ZFHX3: variants seen among roughly 807,000 people sequenced by gnomAD.
ZFHX3 encodes zinc finger homeobox 3, also known as zinc finger homeobox protein 3.
Under a neutral mutation model 279.1 loss-of-function variants are expected in ZFHX3, and 42 were observed. The observed-to-expected ratio is 0.15, with a 90% CI of 0.12 to 0.19. The LOEUF (loss-of-function observed/expected upper bound fraction) is 0.19, where lower values mean the gene tolerates loss of function less well. Among genes scored for constraint, ZFHX3 ranks in the 10% least tolerant of loss-of-function variants. The pLI, the probability that ZFHX3 is intolerant of heterozygous loss-of-function variation, is 1.00. For synonymous variants in ZFHX3, 2,293 were observed against 1,957.8 expected, an observed-to-expected ratio of 1.17 and a Z score of -4.52; for missense variants, 4,981 against 4,754.0, an observed-to-expected ratio of 1.05 and a Z score of -1.40.
chr16:73,573,922 C>A (rs34460084), intron 2 of ZFHX3, among the ~76,000 whole-genome samples: 12 of 152,250 alleles, frequency 7.9e-5, no homozygotes, highest in African/African-American at 2.9e-4. Context: ...GCTGGTCCAC[C>A]CATACCTACC....
At chr16:73,682,846 AAGAAAG>A (rs2053025837) in intron 1 of ZFHX3, among the ~76,000 whole-genome samples, 1 of 113,778 alleles carries the variant, frequency 8.8e-6, no homozygotes, top group Non-Finnish European at 1.8e-5. Context: ...GAGAGAAAAA[AAGAAAG>A]AGAAAGAAAG....
chr16:73,852,436 T>C (rs1204590898), intron 1 of ZFHX3, among the ~76,000 whole-genome samples: 4 of 152,184 alleles, frequency 2.6e-5, no homozygotes, highest in African/African-American at 9.7e-5. Flanking sequence ...TATATTACAG[T>C]TGGGTTATTT....
chr16:72,851,285 C>T (rs1013384924), intron 4 of ZFHX3, among the ~76,000 whole-genome samples: 1 of 152,096 alleles, frequency 6.6e-6, no homozygotes, highest in African/African-American at 2.4e-5. Context: ...CCTCTGCAAT[C>T]CACGAAGTGA....
chr16:73,297,897 G>C (rs1437586423), intron 4 of ZFHX3, among the ~76,000 whole-genome samples: 1 of 151,864 alleles, frequency 6.6e-6, no homozygotes, highest in Non-Finnish European at 1.5e-5. Context: ...ATTCACATTA[G>C]ACTTTGTCCA....
At chr16:73,834,911 C>G (rs1411903628) in intron 1 of ZFHX3, among the ~76,000 whole-genome samples, 1 of 152,042 alleles carries the variant, frequency 6.6e-6, no homozygotes, top group Non-Finnish European at 1.5e-5. Context: ...AGCGTCTCCC[C>G]CCGTGGGGTC....
At chr16:73,568,938 T>C (rs1377624400) in intron 2 of ZFHX3, among the ~76,000 whole-genome samples, 4 of 151,906 alleles carry the variant, frequency 2.6e-5, no homozygotes, top group Non-Finnish European at 5.9e-5. Flanking sequence ...GATTACAGAA[T>C]GTCATGTGCC....
At chr16:73,514,884 C>A (rs767440897) in intron 2 of ZFHX3, among the ~76,000 whole-genome samples, 5 of 152,134 alleles carry the variant, frequency 3.3e-5, no homozygotes, top group Non-Finnish European at 7.4e-5. Flanking sequence ...GGATCCCTAT[C>A]CCAGCCTCCC....
At chr16:73,469,177 G>A (rs1353978354) in intron 2 of ZFHX3, among the ~76,000 whole-genome samples, 1 of 152,192 alleles carries the variant, frequency 6.6e-6, no homozygotes, top group Non-Finnish European at 1.5e-5. Context: ...CCTTGGAAAG[G>A]ACAGAGGCTG....
At chr16:73,273,519 C>T (rs953624593) in intron 4 of ZFHX3, among the ~76,000 whole-genome samples, 2 of 152,112 alleles carry the variant, frequency 1.3e-5, no homozygotes, top group African/African-American at 4.8e-5. Context: ...ATACAATATA[C>T]ATAATCTGTC....
chr16:72,829,259 C>G (rs1439070961), intron 5 of ZFHX3, among the ~76,000 whole-genome samples: 1 of 151,676 alleles, frequency 6.6e-6, no homozygotes, highest in Non-Finnish European at 1.5e-5. Flanking sequence ...GTGATCCTCC[C>G]ACCTCAGCCT....
At chr16:73,336,388 AC>A (rs552704051) in intron 3 of ZFHX3, among the ~76,000 whole-genome samples, 47 of 71,042 alleles carry the variant, frequency 6.6e-4, no homozygotes, top group Non-Finnish European at 1.2e-3. Context: ...CCCTCCTCCC[AC>A]CCCCCACCCT....
At chr16:72,827,707 C>T (rs2036967754) in intron 5 of ZFHX3, among the ~76,000 whole-genome samples, 1 of 152,202 alleles carries the variant, frequency 6.6e-6, no homozygotes, top group East Asian at 1.9e-4. Flanking sequence ...TCAGGGCCTT[C>T]CTTTGAGCAC....
At chr16:73,429,215 G>A (rs570848901) in intron 3 of ZFHX3, among the ~76,000 whole-genome samples, 2 of 152,190 alleles carry the variant, frequency 1.3e-5, no homozygotes, top group African/African-American at 2.4e-5. Context: ...AGAGAGCAAA[G>A]TAGGTAAAGT....
chr16:73,464,247 CAG>C (rs1181813266), intron 2 of ZFHX3, among the ~76,000 whole-genome samples: 1 of 152,004 alleles, frequency 6.6e-6, no homozygotes, highest in East Asian at 1.9e-4. Flanking sequence ...AGCTCAAAGG[CAG>C]AGAGAGCGAA....
chr16:73,747,065 C>A (rs968300778), intron 1 of ZFHX3, among the ~76,000 whole-genome samples: 1 of 152,216 alleles, frequency 6.6e-6, no homozygotes, highest in Non-Finnish European at 1.5e-5. Context: ...TGCTCTGCTA[C>A]TGGTAGTGTC....
intron 1 of ZFHX3, among the ~76,000 whole-genome samples, chr16:73,771,279 G>C (rs1004579769): frequency 6.6e-6 from 1 of 152,160 alleles, no homozygotes; most frequent in Non-Finnish European, 1.5e-5. Flanking sequence ...AAGTTTCCAA[G>C]TGGTACTACA....
chr16:73,216,228 C>G (rs989719076), intron 5 of ZFHX3, among the ~76,000 whole-genome samples: 1 of 152,206 alleles, frequency 6.6e-6, no homozygotes, highest in Non-Finnish European at 1.5e-5. Context: ...CCTAAGTTAT[C>G]TTTCCAAAAC....
chr16:72,944,448 C>T (rs1410671157), intron 3 of ZFHX3, among the ~76,000 whole-genome samples: 1 of 152,116 alleles, frequency 6.6e-6, no homozygotes, highest in East Asian at 1.9e-4. Flanking sequence ...GTGGGTTTGC[C>T]TCTGGACAGT....
At chr16:73,416,697 C>T (rs926054394) in intron 3 of ZFHX3, among the ~76,000 whole-genome samples, 1 of 150,916 alleles carries the variant, frequency 6.6e-6, no homozygotes, top group Admixed American at 6.6e-5. Flanking sequence ...CATGGTGAAA[C>T]CCCCGTCTCT....
Sources: gnomAD v4.1 joint callset for allele counts (sites outside exome capture counted in the v4.1 genomes callset) on GRCh38, gnomAD v4.1.1 for gene constraint, MANE v1.5 for transcripts, NCBI Gene and HGNC (gene_info 2026-07-23, HGNC 2026-07-21) for gene names.